CYP4F2: variants seen among roughly 807,000 people sequenced by gnomAD.
CYP4F2 encodes the protein cytochrome P450 4F2.
Under a neutral mutation model 58.9 loss-of-function variants are expected in CYP4F2, and 58 were observed. That is an observed-to-expected ratio of 0.98 (90% CI 0.80 to 1.23). The LOEUF is 1.23. Ranked by LOEUF, CYP4F2 falls within the 50% of genes most tolerant of loss-of-function variation. The pLI, the probability that CYP4F2 is intolerant of heterozygous loss-of-function variation, is 0.00. For missense variants in CYP4F2, 616 were observed against 685.6 expected, an observed-to-expected ratio of 0.90 and a Z score of 1.13; for synonymous variants, 287 against 261.1, an observed-to-expected ratio of 1.10 and a Z score of -0.95.
intron 7 of CYP4F2, 160 bp from the exon 8 acceptor site, chr19:15,886,468 G>A (rs1347460010): frequency 1.1e-6 from 1 of 896,778 alleles, no homozygotes; most frequent in South Asian, 1.7e-5. Context: ...TGGTCACCAT[G>A]GCCAGAGCCC....
intron 3 of CYP4F2, among the ~76,000 whole-genome samples, chr19:15,894,878 A>G (rs2089438973): frequency 6.6e-6 from 1 of 152,180 alleles, no homozygotes; most frequent in Non-Finnish European, 1.5e-5. Context: ...CTTAGGGCAG[A>G]CAAGCTATAG....
At position 15,889,536 on chromosome 19, in the gene CYP4F2, C is replaced by T. The variant is rs1568472264; in HGVS notation, c.805G>A (p.Ala269Thr). 1.2e-6 allele frequency: 2 copies of T among 1,614,224 alleles called. No individual in the cohort carries two copies. The highest frequency in any genetic ancestry group is 1.7e-5 in the Admixed American group (1 of 60,030). The part of the protein sequence containing the change: ...ACRLVHDFTD[A>T]VIQERRRTLP... ...GTGCGGCGCCGCTCCTGGATGACGGCATCTGTGAAGTCGTGCACCAGGCGG... is the reference window on the plus strand; with the variant it reads ...GTGCGGCGCCGCTCCTGGATGACGGTATCTGTGAAGTCGTGCACCAGGCGG... Residue 269 changes from alanine to threonine, a missense_variant, in exon 7 of 13, where the codon GCC (alanine) becomes ACC (threonine). Coordinates refer to ENST00000221700, the MANE Select transcript of CYP4F2 (RefSeq NM_001082.5).
At chr19:15,896,065 T>C (rs1021609884) in intron 2 of CYP4F2, among the ~76,000 whole-genome samples, 5 of 128,012 alleles carry the variant, frequency 3.9e-5, no homozygotes. Context: ...TTTGTCTATC[T>C]ATCTATCCAT....
rs1473409230 is a variant in CYP4F2 at position 15,878,046 on chromosome 19, T to C, written c.*725A>G. On this transcript the variant is annotated 3_prime_UTR_variant, in exon 13 of 13. Coordinates refer to ENST00000221700, the MANE Select transcript of CYP4F2 (RefSeq NM_001082.5). ...AATAATGTTTCCTAAGATGATTTAA[T>C]GTCATGGAAAGATGCTCACAGCATA... 1.3e-5 allele frequency: 2 copies of C among 152,192 alleles called. No homozygotes were observed. The highest frequency in any genetic ancestry group is 4.8e-5 in the African/African-American group (2 of 41,444). The allele number at this position is 152,192 out of a possible 1,614,324, so 9.4% of individuals were successfully genotyped here.
chr19:15,893,911 T>G (rs565977825), intron 3 of CYP4F2: 1 of 255,792 alleles, frequency 3.9e-6, no homozygotes, highest in African/African-American at 2.3e-5. Context: ...ACCCAATTCA[T>G]GCTCTCCTAG....
Position 15,879,834 on chromosome 19 carries a change from G to C in CYP4F2, c.1179C>G (p.Pro393=), listed in dbSNP as rs773953520. 1.9e-5 allele frequency: 31 copies of C among 1,614,030 alleles called. No homozygotes were observed. Among genetic ancestry groups the C allele is most frequent in the Non-Finnish European group, 2.5e-5 (29 of 1,180,038 alleles). ...MCMKESLRLH[P]PVPVISRHVT... ...CATGGCGGGAGATGACCGGGACTGG[G>C]GGATGCAGCCGCAGGCTCTCCTTCA... The change falls in exon 10 of 13, where the codon CCC becomes CCG. Residue 393 remains proline, a synonymous_variant. Coordinates refer to ENST00000221700, the MANE Select transcript of CYP4F2 (RefSeq NM_001082.5).
In CYP4F2 at chr19:15,897,336, C is replaced by T. The variant is rs1041788983; in HGVS notation, c.198+78G>A. The T allele has an allele frequency of 4.6e-6, 5 of 1,080,864 alleles. No homozygotes were observed. The African/African-American group carries it at 6.5e-5, about 14-fold the overall frequency. The allele number at this position is 1,080,864 out of a possible 1,614,324, so 67.0% of individuals were successfully genotyped here. ...CCCCAGATCCCAGCCCACCCCTTCA[C>T]CCCCACTCCCTAAGCCTCGTACCCC... On this transcript the variant is annotated intron_variant, in intron 2 of 12. Transcript: ENST00000221700.
Position 15,885,973 on chromosome 19 carries a change from G to T in CYP4F2, c.1066C>A (p.Gln356Lys), listed in dbSNP as rs2089376153. 2 of 1,613,934 alleles carry T rather than the reference G, an allele frequency of 1.2e-6. No homozygotes were observed. The highest frequency in any genetic ancestry group is 2.2e-5 in the East Asian group (1 of 44,858). Residue 356 changes from glutamine to lysine, a missense_variant, in exon 9 of 13, where the codon CAG becomes AAG. Gln to Lys is a moderately conservative substitution (Grantham distance 53, BLOSUM62 1). Coordinates refer to ENST00000221700, the MANE Select transcript of CYP4F2 (RefSeq NM_001082.5). The part of the protein sequence containing the change: ...KHPEYQERCR[Q>K]EVQELLKDRE... ...TCCTTCAGAAGTTCTTGCACCTCCT[G>T]CCGGCAGCGCTCCTGGTATTCTGGG... is the stretch of plus-strand genomic sequence containing the variant.
At chr19:15,890,930 G>A (rs3093148) in intron 5 of CYP4F2, among the ~76,000 whole-genome samples, 68,329 of 151,920 alleles carry the variant, frequency 0.45, 15,582 homozygotes, top group South Asian at 0.54. Flanking sequence ...ATACATACTC[G>A]TATCATGGAA....
rs1211774515 is a variant in CYP4F2 at position 15,889,480 on chromosome 19, G to C, written c.861C>G (p.Leu287=). ...TLPSQGVDDF[L]QAKAKSKTLD... is the part of the protein sequence containing the mutation. ...AAGTCTTGGATTTGGCCTTGGCTTG[G>C]AGGAAGTCATCAACACCCTGGCTAG... The change falls in exon 7 of 13, where the codon CTC becomes CTG. Residue 287 remains leucine (L), a synonymous_variant. Transcript: ENST00000221700. The C allele has an allele frequency of 6.2e-7, 1 of 1,614,186 alleles. No individual in the cohort carries two copies. The highest frequency in any genetic ancestry group is 2.2e-5 in the East Asian group (1 of 44,868).
At chr19:15,888,129 CAT>C (rs1444021963) in intron 7 of CYP4F2, among the ~76,000 whole-genome samples, 2 of 152,186 alleles carry the variant, frequency 1.3e-5, no homozygotes, top group East Asian at 3.9e-4. Flanking sequence ...CACAAACACA[CAT>C]AGATGAAGTC....
At chr19:15,894,120 C>G (rs1568473819) in intron 3 of CYP4F2, among the ~76,000 whole-genome samples, 1 of 152,198 alleles carries the variant, frequency 6.6e-6, no homozygotes, top group Non-Finnish European at 1.5e-5. Flanking sequence ...CCTGGGCTCT[C>G]ATTCATCCCA....
intron 7 of CYP4F2, among the ~76,000 whole-genome samples, chr19:15,886,966 T>C (rs1171514598): frequency 6.6e-6 from 1 of 152,170 alleles, no homozygotes; most frequent in African/African-American, 2.4e-5. Flanking sequence ...AAATTTGACT[T>C]GAGGATGAAG....
intron 9 of CYP4F2, among the ~76,000 whole-genome samples, chr19:15,880,484 G>A (rs532631299): frequency 2.6e-4 from 39 of 152,014 alleles, no homozygotes; most frequent in African/African-American, 8.7e-4. Flanking sequence ...AAAACTTAGC[G>A]GGGTATGGTG....
chr19:15,897,311 C>T, intron 2 of CYP4F2, 103 bp downstream of exon 2: 1 of 1,123,218 alleles, frequency 8.9e-7, no homozygotes, highest in Admixed American at 2.2e-5. Flanking sequence ...TTCTCTGCCA[C>T]CCCAGATCCC....
At chr19:15,887,519 GAC>G (rs146208638) in intron 7 of CYP4F2, among the ~76,000 whole-genome samples, 21,042 of 146,866 alleles carry the variant, frequency 0.14, 1,584 homozygotes, top group Non-Finnish European at 0.17. Flanking sequence ...TATAGACACA[GAC>G]ACACACACAT....
intron 12 of CYP4F2, among the ~76,000 whole-genome samples, 188 bp downstream of exon 12, chr19:15,879,158 G>A (rs565137459): frequency 6.6e-6 from 1 of 152,270 alleles, no homozygotes; most frequent in Non-Finnish European, 1.5e-5. Flanking sequence ...GGGGCTCTGA[G>A]CACACCACAG....
chr19:15,879,991 C>T, intron 9 of CYP4F2, 94 bp from the exon 10 acceptor site: 1 of 1,569,118 alleles, frequency 6.4e-7, no homozygotes, highest in Non-Finnish European at 8.6e-7. Flanking sequence ...TTTCTCCCCG[C>T]AATAAAATAA....
chr19:15,886,143 TG>T, intron 8 of CYP4F2, 90 bp from the exon 9 acceptor site: 2 of 1,605,228 alleles, frequency 1.2e-6, no homozygotes, highest in East Asian at 2.2e-5. Context: ...TCAGGGAGGA[TG>T]GGGGAAGGGG....
Sources: gnomAD v4.1 joint callset for allele counts (sites outside exome capture counted in the v4.1 genomes callset) on GRCh38, gnomAD v4.1.1 for gene constraint, MANE v1.5 for transcripts, NCBI Gene and HGNC (gene_info 2026-07-23, HGNC 2026-07-21) for gene names.